The following STK39 variants were observed in gnomAD, a reference collection of about 807,000 sequenced individuals.
STK39 encodes the protein STE20/SPS1-related proline-alanine-rich protein kinase.
STK39 carries 20 observed loss-of-function variants against 77.8 expected under a neutral mutation model. That is an observed-to-expected ratio of 0.26 (90% CI 0.18 to 0.37). The LOEUF (loss-of-function observed/expected upper bound fraction) is 0.37, where lower values mean the gene tolerates loss of function less well. Ranked by LOEUF, STK39 falls within the 10% of genes least tolerant of loss-of-function variation. STK39 has a pLI of 1.00. For synonymous variants in STK39, 246 were observed against 234.1 expected, an observed-to-expected ratio of 1.05 and a Z score of -0.47; for missense variants, 479 against 656.5, an observed-to-expected ratio of 0.73 and a Z score of 2.95.
intron 1 of STK39, among the ~76,000 whole-genome samples, chr2:168,239,237 T>A (rs1690697107): frequency 6.6e-6 from 1 of 152,120 alleles, no homozygotes; most frequent in Admixed American, 6.5e-5. Context: ...TATATATAAA[T>A]ACATGAACAG....
At chr2:168,115,653 G>C (rs929305627) in intron 10 of STK39, among the ~76,000 whole-genome samples, 1 of 152,178 alleles carries the variant, frequency 6.6e-6, no homozygotes, top group Non-Finnish European at 1.5e-5. Context: ...GACATAAAAA[G>C]ATGTCCAAAG....
chr2:168,093,426 A>G (rs1686578482), intron 10 of STK39, among the ~76,000 whole-genome samples: 1 of 152,166 alleles, frequency 6.6e-6, no homozygotes, highest in Admixed American at 6.5e-5. Context: ...GTGCAAGGGA[A>G]CTGCCCTTTA....
At chr2:168,023,156 T>TCC (rs913587566) in intron 14 of STK39, among the ~76,000 whole-genome samples, 7 of 152,092 alleles carry the variant, frequency 4.6e-5, no homozygotes, top group African/African-American at 1.7e-4. Flanking sequence ...CTCAAGTGAT[T>TCC]CCCCCTACCT....
intron 2 of STK39, among the ~76,000 whole-genome samples, chr2:168,174,374 C>A (rs1257718926): frequency 2.6e-5 from 4 of 152,076 alleles, no homozygotes; most frequent in African/African-American, 7.2e-5. Flanking sequence ...CATGAAATTG[C>A]GTGCTCTGCA....
At chr2:168,239,328 AC>A (rs763982953) in intron 1 of STK39, among the ~76,000 whole-genome samples, 1 of 152,162 alleles carries the variant, frequency 6.6e-6, no homozygotes, top group South Asian at 2.1e-4. Context: ...TCCCCACTCC[AC>A]CCTACAATGT....
chr2:168,172,924 T>C (rs543522134), intron 2 of STK39, among the ~76,000 whole-genome samples: 3 of 152,290 alleles, frequency 2.0e-5, no homozygotes, highest in African/African-American at 7.2e-5. Flanking sequence ...TGAAATCACC[T>C]GGGGAGCTTT....
chr2:167,994,351 A>G (rs796791738), intron 16 of STK39, among the ~76,000 whole-genome samples: 6 of 152,338 alleles, frequency 3.9e-5, no homozygotes, highest in African/African-American at 1.4e-4. Flanking sequence ...AAAAAAATCA[A>G]TACTACTGAT....
intron 10 of STK39, among the ~76,000 whole-genome samples, chr2:168,121,746 T>C (rs910629389): frequency 6.6e-6 from 1 of 152,192 alleles, no homozygotes; most frequent in African/African-American, 2.4e-5. Flanking sequence ...TCATTCTCCT[T>C]ATTTACATGA....
intron 1 of STK39, among the ~76,000 whole-genome samples, chr2:168,244,786 A>C (rs1197865828): frequency 6.6e-6 from 1 of 152,218 alleles, no homozygotes; most frequent in Non-Finnish European, 1.5e-5. Flanking sequence ...ATAAACTTTA[A>C]ATGTAGAAAA....
chr2:168,181,074 G>C (rs756174042), intron 2 of STK39, among the ~76,000 whole-genome samples: 1 of 152,102 alleles, frequency 6.6e-6, no homozygotes, highest in African/African-American at 2.4e-5. Context: ...GTAACAAAAG[G>C]CTTCTTCATT....
chr2:168,179,179 C>G (rs918588548), intron 2 of STK39, among the ~76,000 whole-genome samples: 1 of 152,134 alleles, frequency 6.6e-6, no homozygotes, highest in Admixed American at 6.6e-5. Flanking sequence ...AGTGCACTGA[C>G]CTGTATATAA....
chr2:168,155,994 C>T (rs530589381), intron 5 of STK39, among the ~76,000 whole-genome samples: 12 of 152,256 alleles, frequency 7.9e-5, no homozygotes, highest in South Asian at 4.1e-4. Flanking sequence ...GGGAATGCTG[C>T]GATGAACAAC....
At chr2:167,981,495 AC>A (rs1453597389) in intron 16 of STK39, among the ~76,000 whole-genome samples, 2 of 152,216 alleles carry the variant, frequency 1.3e-5, no homozygotes, top group East Asian at 3.8e-4. Flanking sequence ...TTTAAAGGGA[AC>A]TTTTTGCAGA....
chr2:168,088,472 G>T (rs963813842), intron 10 of STK39, among the ~76,000 whole-genome samples: 2 of 152,164 alleles, frequency 1.3e-5, no homozygotes, highest in Non-Finnish European at 2.9e-5. Flanking sequence ...AGGAGGCACA[G>T]AAATCAGTTG....
intron 16 of STK39, among the ~76,000 whole-genome samples, chr2:167,973,325 A>G (rs2105255319): frequency 6.6e-6 from 1 of 152,332 alleles, no homozygotes; most frequent in South Asian, 2.1e-4. Context: ...GGCTTTTGAA[A>G]ATTGTTCAGT....
intron 1 of STK39, among the ~76,000 whole-genome samples, chr2:168,230,655 G>C (rs1051529335): frequency 2.0e-5 from 3 of 152,210 alleles, no homozygotes; most frequent in Non-Finnish European, 4.4e-5. Context: ...GGGAATGTCA[G>C]AATCCATGAT....
chr2:168,163,593 G>C, intron 4 of STK39, 146 bp downstream of exon 4: 1 of 1,582,582 alleles, frequency 6.3e-7, no homozygotes, highest in South Asian at 1.2e-5. Context: ...TACAAACTAG[G>C]GCTGAAGATA....
chr2:167,987,402 C>T (rs146428812), intron 16 of STK39, among the ~76,000 whole-genome samples: 18 of 152,170 alleles, frequency 1.2e-4, no homozygotes, highest in African/African-American at 3.9e-4. Context: ...GAAACCTCTA[C>T]GGTGGCAGAG....
At chr2:168,152,267 T>C (rs1253142665) in intron 5 of STK39, among the ~76,000 whole-genome samples, 1 of 152,224 alleles carries the variant, frequency 6.6e-6, no homozygotes, top group African/African-American at 2.4e-5. Context: ...GAGGACTATT[T>C]TTAAAGATGC....
Sources: gnomAD v4.1 joint callset for allele counts (sites outside exome capture counted in the v4.1 genomes callset) on GRCh38, gnomAD v4.1.1 for gene constraint, MANE v1.5 for transcripts, NCBI Gene and HGNC (gene_info 2026-07-23, HGNC 2026-07-21) for gene names.